FHIT: variants seen among roughly 807,000 people sequenced by gnomAD.
FHIT encodes bis(5'-adenosyl)-triphosphatase.
In FHIT, 19 loss-of-function variants were observed where a neutral mutation model predicts 17.9. The ratio of observed to expected loss-of-function variants is 1.06; its 90% CI spans 0.74 to 1.56. The LOEUF (loss-of-function observed/expected upper bound fraction) is 1.56, where lower values mean the gene tolerates loss of function less well. FHIT is among the 40% of genes most tolerant of loss of function. The pLI, the probability that FHIT is intolerant of heterozygous loss-of-function variation, is 0.00. For synonymous variants in FHIT, 81 were observed against 69.7 expected, an observed-to-expected ratio of 1.16 and a Z score of -0.81; for missense variants, 248 against 189.2, an observed-to-expected ratio of 1.31 and a Z score of -1.82.
At chr3:60,699,047 T>C (rs1553701383) in intron 4 of FHIT, among the ~76,000 whole-genome samples, 2 of 152,230 alleles carry the variant, frequency 1.3e-5, no homozygotes, top group African/African-American at 4.8e-5. Context: ...AGTAACAATC[T>C]GTATCATTAT....
chr3:60,104,047 T>G (rs1173912522), intron 5 of FHIT, among the ~76,000 whole-genome samples: 1 of 152,158 alleles, frequency 6.6e-6, no homozygotes, highest in East Asian at 1.9e-4. Context: ...GACCCCTACA[T>G]GAGGCCAGGA....
At chr3:61,121,903 A>G (rs939419946) in intron 2 of FHIT, among the ~76,000 whole-genome samples, 1 of 152,196 alleles carries the variant, frequency 6.6e-6, no homozygotes, top group Non-Finnish European at 1.5e-5. Flanking sequence ...AAGCAAATGG[A>G]AAGCAAAAAA....
intron 4 of FHIT, among the ~76,000 whole-genome samples, chr3:60,793,764 C>A (rs181551329): frequency 6.6e-6 from 1 of 152,218 alleles, no homozygotes; most frequent in Non-Finnish European, 1.5e-5. Flanking sequence ...TGGGCTTTCA[C>A]TCTCACTCAC....
intron 4 of FHIT, among the ~76,000 whole-genome samples, chr3:60,756,611 G>GA (rs1458557658): frequency 6.6e-6 from 1 of 151,984 alleles, no homozygotes; most frequent in Non-Finnish European, 1.5e-5. Flanking sequence ...AGCCGGAGAG[G>GA]AAAAAAGGAG....
intron 3 of FHIT, among the ~76,000 whole-genome samples, chr3:60,996,686 G>A (rs1278831542): frequency 2.6e-5 from 4 of 152,148 alleles, no homozygotes; most frequent in Non-Finnish European, 2.9e-5. Flanking sequence ...GTCATATGGC[G>A]ATTTTTTTCC....
rs5849338 is a variant in FHIT at position 60,164,609 on chromosome 3, CAA to C, written c.104-150459_104-150458del. Among the ~76,000 whole-genome samples the C allele has an allele frequency of 2.2e-3, 324 of 144,378 alleles. 1 individual carries two copies. The highest frequency in any genetic ancestry group is 7.3e-3 in the African/African-American group (288 of 39,680). The allele number at this position is 144,378 out of a possible 152,430, so 94.7% of individuals were successfully genotyped here. A position where few individuals can be genotyped will look rare whatever the true frequency, so the allele number is the denominator to read the frequency against. The stretch of plus-strand genomic sequence containing the variant: ...GCCATCATTATTGAAAGTAATTGGT[CAA>C]AAAAAAAAAATAAAAGAGGTGAGAG... On this transcript the variant is annotated intron_variant, in intron 5 of 9. Transcript: ENST00000492590.
chr3:59,846,588 T>A (rs1429688410), intron 8 of FHIT, among the ~76,000 whole-genome samples: 1 of 152,172 alleles, frequency 6.6e-6, no homozygotes, highest in Non-Finnish European at 1.5e-5. Context: ...TTAATTCATA[T>A]AGAAACAAAA....
Position 60,919,564 on chromosome 3 carries a change from T to C in FHIT, c.-110-97553A>G, listed in dbSNP as rs138293185. 9.2e-4 allele frequency among the ~76,000 whole-genome samples: 140 copies of C among 152,232 alleles called. 1 individual carries two copies. Among genetic ancestry groups the C allele is most frequent in the African/African-American group, 3.2e-3 (132 of 41,554 alleles). ...AATACCCAGGGACAAGGCGGGAGCCTACTTATAGAGTTCACAGAGAACTGC... is the reference window on the plus strand; with the variant it reads ...AATACCCAGGGACAAGGCGGGAGCCCACTTATAGAGTTCACAGAGAACTGC... On this transcript the variant is annotated intron_variant, in intron 3 of 9. Transcript: ENST00000492590.
chr3:60,650,260 G>A (rs2682946), intron 4 of FHIT, among the ~76,000 whole-genome samples: 147,526 of 152,324 alleles, frequency 0.97, 71,492 homozygotes, highest in East Asian at 1. Flanking sequence ...CTCTCACTCA[G>A]TCATTTCTTT....
At chr3:60,158,925 T>C (rs1700821375) in intron 5 of FHIT, among the ~76,000 whole-genome samples, 1 of 151,964 alleles carries the variant, frequency 6.6e-6, no homozygotes, top group Non-Finnish European at 1.5e-5. Flanking sequence ...TGGTATGTGT[T>C]CTCCCTCACT....
chr3:60,144,904 G>A (rs1700176467), intron 5 of FHIT, among the ~76,000 whole-genome samples: 1 of 152,048 alleles, frequency 6.6e-6, no homozygotes, highest in Non-Finnish European at 1.5e-5. Flanking sequence ...ACTTCAACTG[G>A]TCTGTGAAAA....
At chr3:60,632,186 T>C (rs532432988) in intron 4 of FHIT, among the ~76,000 whole-genome samples, 9 of 152,268 alleles carry the variant, frequency 5.9e-5, no homozygotes, top group East Asian at 1.9e-4. Context: ...GGCTGACTAA[T>C]TCTTAAATGA....
chr3:60,018,997 C>T (rs1209115783), intron 5 of FHIT, among the ~76,000 whole-genome samples: 1 of 152,076 alleles, frequency 6.6e-6, no homozygotes, highest in Non-Finnish European at 1.5e-5. Context: ...ACAACAACAA[C>T]AACAAACCAA....
chr3:60,443,240 CT>C (rs2031052375), intron 5 of FHIT, among the ~76,000 whole-genome samples: 1 of 152,162 alleles, frequency 6.6e-6, no homozygotes, highest in Non-Finnish European at 1.5e-5. Context: ...TTGACTTCCT[CT>C]TTTCCTAACT....
intron 2 of FHIT, among the ~76,000 whole-genome samples, chr3:61,059,028 G>T (rs1195219393): frequency 2.0e-5 from 3 of 152,146 alleles, no homozygotes; most frequent in Admixed American, 2.0e-4. Context: ...GGAACTGCTG[G>T]TCACATAATT....
At chr3:60,020,569 T>C (rs1197634469) in intron 5 of FHIT, among the ~76,000 whole-genome samples, 1 of 152,138 alleles carries the variant, frequency 6.6e-6, no homozygotes, top group African/African-American at 2.4e-5. Flanking sequence ...TCTGAACTAA[T>C]AAAAAAGAGT....
chr3:61,110,469 G>A (rs2036125489), intron 2 of FHIT, among the ~76,000 whole-genome samples: 1 of 152,068 alleles, frequency 6.6e-6, no homozygotes, highest in South Asian at 2.1e-4. Context: ...TACCTTGTTT[G>A]ATAATTCCTC....
At chr3:59,814,383 TG>T (rs1448995592) in intron 8 of FHIT, among the ~76,000 whole-genome samples, 1 of 152,248 alleles carries the variant, frequency 6.6e-6, no homozygotes, top group Middle Eastern at 3.2e-3. Flanking sequence ...GACAGGTTTC[TG>T]GGTCAAGACA....
chr3:60,603,927 G>C (rs1171520314), intron 4 of FHIT, among the ~76,000 whole-genome samples: 1 of 152,046 alleles, frequency 6.6e-6, no homozygotes, highest in Non-Finnish European at 1.5e-5. Flanking sequence ...ATACTTTATA[G>C]GTATTTTGTT....
Sources: gnomAD v4.1 joint callset for allele counts (sites outside exome capture counted in the v4.1 genomes callset) on GRCh38, gnomAD v4.1.1 for gene constraint, MANE v1.5 for transcripts, NCBI Gene and HGNC (gene_info 2026-07-23, HGNC 2026-07-21) for gene names.